The following KIAA0586 variants were observed in gnomAD, a reference collection of about 807,000 sequenced individuals.
KIAA0586 encodes protein TALPID3.
Under a neutral mutation model 169.8 loss-of-function variants are expected in KIAA0586, and 144 were observed. The observed-to-expected ratio is 0.85, with a 90% CI of 0.74 to 0.97. The LOEUF (loss-of-function observed/expected upper bound fraction) is 0.97. Among genes scored for constraint, KIAA0586 ranks in the 50% least tolerant of loss-of-function variants. KIAA0586 has a pLI of 0.00. For synonymous variants in KIAA0586, 625 were observed against 612.4 expected (o/e 1.02, Z -0.30); for missense variants, 1,854 against 1,823.0 (o/e 1.02, Z -0.31).
chr14:58,427,513 T>G, upstream of KIAA0586: 2 of 1,401,424 alleles, frequency 1.4e-6, no homozygotes, highest in Non-Finnish European at 1.9e-6. Flanking sequence ...AGCGGTCTTG[T>G]GCGGCAATGT....
At chr14:58,536,181 TG>T (rs2046278267) in intron 29 of KIAA0586, among the ~76,000 whole-genome samples, 2 of 152,144 alleles carry the variant, frequency 1.3e-5, no homozygotes, top group South Asian at 4.1e-4. Context: ...ATGGATATAT[TG>T]GTTTATTGCA....
intron 29 of KIAA0586, among the ~76,000 whole-genome samples, chr14:58,515,399 A>G (rs555138396): frequency 6.6e-6 from 1 of 152,294 alleles, no homozygotes; most frequent in South Asian, 2.1e-4. Context: ...TTTTATACTC[A>G]TATAGCTGTG....
intron 19 of KIAA0586, among the ~76,000 whole-genome samples, chr14:58,475,471 C>G (rs556258916): frequency 6.8e-6 from 1 of 146,340 alleles, no homozygotes; most frequent in South Asian, 2.4e-4. Flanking sequence ...GACTGCTATA[C>G]TAGGCCATAT....
Position 58,550,985 on chromosome 14 carries a change from T to TC in KIAA0586, c.*3054dup, listed in dbSNP as rs1467712219. On this transcript the variant is annotated 3_prime_UTR_variant, in exon 31 of 31. Coordinates refer to ENST00000652326, the MANE Select transcript of KIAA0586 (RefSeq NM_001329943.3). ...AGGCAGATCACCCAAGGTTAGGAGT[T>TC]CAAGACCAGTCTGGCCAACATGGTG... is the stretch of plus-strand genomic sequence containing the variant. 1.3e-5 allele frequency: 2 copies of TC among 152,012 alleles called. No individual in the cohort carries two copies. The highest frequency in any genetic ancestry group is 4.8e-5 in the African/African-American group (2 of 41,328). 9.4% of individuals were successfully genotyped at this position (152,012 alleles called of 1,614,324 possible).
rs1164708257 is a variant in KIAA0586, at chr14:58,488,686, CA to C, written c.3594del (p.Glu1199SerfsTer32). 6.2e-7 allele frequency: 1 copy of C among 1,613,898 alleles called. No homozygotes were observed. Among genetic ancestry groups the C allele is most frequent in the Admixed American group, 1.7e-5 (1 of 60,008 alleles). ...SMDFPAQPPP[P>X]EPVPFMPFPA... ...GATTTCCCTGCTCAGCCTCCACCTCCAGAGCCAGTTCCCTTTATGCCATTTC... is the reference window on the plus strand; with the variant it reads ...GATTTCCCTGCTCAGCCTCCACCTCCGAGCCAGTTCCCTTTATGCCATTTC... On this transcript the variant is annotated frameshift_variant, in exon 24 of 31. Coordinates refer to ENST00000652326, the MANE Select transcript of KIAA0586 (RefSeq NM_001329943.3). LOFTEE classifies it high-confidence loss of function.
At chr14:58,451,268 C>T (rs1164993349) in intron 8 of KIAA0586, among the ~76,000 whole-genome samples, 2 of 152,146 alleles carry the variant, frequency 1.3e-5, no homozygotes, top group African/African-American at 2.4e-5. Flanking sequence ...CTCTGTCACC[C>T]AGACTGGAGT....
chr14:58,458,482 A>G lies in KIAA0586; in HGVS notation c.1593A>G (p.Ser531=), dbSNP rs2040053685. The G allele has an allele frequency of 6.5e-7, 1 of 1,530,490 alleles. No individual in the cohort carries two copies. The highest frequency in any genetic ancestry group is 8.9e-7 in the Non-Finnish European group (1 of 1,128,676). The allele number at this position is 1,530,490 out of a possible 1,614,324, so 94.8% of individuals were successfully genotyped here. Residue 531 remains serine (S), a synonymous_variant, in exon 12 of 31, where the codon TCA becomes TCG. Coordinates refer to ENST00000652326, the MANE Select transcript of KIAA0586 (RefSeq NM_001329943.3). ...INALSTNREM[S]EKIRIRKTVD... ...TTTTTCTCTTTTATAGAGAGATGTC[A>G]GAGAAAATTAGGATCAGAAAGACAG... is the stretch of plus-strand genomic sequence containing the variant.
intron 21 of KIAA0586, among the ~76,000 whole-genome samples, chr14:58,484,093 C>G (rs2042211725): frequency 6.6e-6 from 1 of 152,008 alleles, no homozygotes; most frequent in African/African-American, 2.4e-5. Flanking sequence ...TGTGGGAAAA[C>G]CAGTGTAAAG....
Position 58,540,123 on chromosome 14 carries a change from A to G in KIAA0586, c.4482A>G (p.Thr1494=), listed in dbSNP as rs2046549339. The G allele has an allele frequency of 6.4e-7, 1 of 1,551,238 alleles. No homozygotes were observed. Among genetic ancestry groups the G allele is most frequent in the South Asian group, 1.2e-5 (1 of 84,122 alleles). The stretch of plus-strand genomic sequence containing the variant: ...AAATTGAGCTTAATCCGTACCTCAC[A>G]TGTGTATTTTCAGGTAAGATTTTTA... ...RTQIELNPYL[T]CVFSGGKAVP... Residue 1494 remains threonine (T), a synonymous_variant, in exon 30 of 31, where the codon ACA becomes ACG. Transcript: ENST00000652326.
At chr14:58,438,346 A>C (rs2038012549) in intron 4 of KIAA0586, among the ~76,000 whole-genome samples, 1 of 152,208 alleles carries the variant, frequency 6.6e-6, no homozygotes, top group African/African-American at 2.4e-5. Flanking sequence ...TATTGGGCAA[A>C]GGTAAGTCAC....
chr14:58,481,697 A>G (rs2042037062), intron 20 of KIAA0586, among the ~76,000 whole-genome samples: 1 of 152,102 alleles, frequency 6.6e-6, no homozygotes, highest in African/African-American at 2.4e-5. Flanking sequence ...TTGTTATGTA[A>G]GTTGTCCTCT....
In KIAA0586 at chr14:58,487,955, G is replaced by A. The variant is rs2141193523; in HGVS notation, c.3373G>A (p.Ala1125Thr). 8.1e-6 allele frequency: 13 copies of A among 1,613,640 alleles called. No individual in the cohort carries two copies. The highest frequency in any genetic ancestry group is 1.1e-5 in the Non-Finnish European group (13 of 1,179,798). ...TVTPTTTPPP[A>T]AAVFTPTLSD... The stretch of plus-strand genomic sequence containing the variant: ...TACCCCTACTACTACACCTCCTCCA[G>A]CGGCGGCAGTTTTTACCCCAACTTT... Residue 1125 changes from alanine (A) to threonine (T), a missense_variant, in exon 23 of 31, where the codon GCG becomes ACG. Transcript: ENST00000652326.
chr14:58,512,623 A>T lies in KIAA0586; in HGVS notation c.4425A>T (p.Gln1475His). The change falls in exon 29 of 31, where the codon CAA becomes CAT. Residue 1475 changes from glutamine to histidine, a missense_variant. By Grantham distance (24) the Gln-to-His change is conservative (BLOSUM62 0). Coordinates refer to ENST00000652326, the MANE Select transcript of KIAA0586 (RefSeq NM_001329943.3). ...AATCTGATATTGCACCTTCACAGCA[A>T]CAAGGTAAGACTTGTTTTTATGTAA... The part of the protein sequence containing the change: ...RNKSDIAPSQ[Q>H]QVSPGDMDRT... The T allele has an allele frequency of 6.9e-7, 1 of 1,444,518 alleles. No individual in the cohort carries two copies. Among genetic ancestry groups the T allele is most frequent in the Non-Finnish European group, 9.3e-7 (1 of 1,075,752 alleles). 89.5% of individuals were successfully genotyped at this position (1,444,518 alleles called of 1,614,324 possible). A position where few individuals can be genotyped will look rare whatever the true frequency, so the allele number is the denominator to read the frequency against.
chr14:58,439,674 A>G (rs2038135464), intron 4 of KIAA0586: 1 of 166,434 alleles, frequency 6.0e-6, no homozygotes, highest in African/African-American at 2.4e-5. Context: ...TTATGATTCA[A>G]TTGGGTATGA....
At chr14:58,507,231 T>TATGTATGATTTATATATAAATC (rs557242244) in intron 27 of KIAA0586, among the ~76,000 whole-genome samples, 31 of 90,528 alleles carry the variant, frequency 3.4e-4, no homozygotes, top group African/African-American at 1.2e-3. Context: ...AAATCATCTA[T>TATGTATGATTTATATATAAATC]ATGTATGATT....
intron 26 of KIAA0586, among the ~76,000 whole-genome samples, chr14:58,493,381 G>A (rs1035795492): frequency 1.3e-5 from 2 of 152,118 alleles, no homozygotes; most frequent in Non-Finnish European, 2.9e-5. Context: ...GGTGCTTAAG[G>A]AAATTCCAGG....
chr14:58,489,594 T>A (rs527427948), intron 24 of KIAA0586, among the ~76,000 whole-genome samples: 1 of 152,230 alleles, frequency 6.6e-6, no homozygotes, highest in East Asian at 1.9e-4. Flanking sequence ...TTTTTCTTAT[T>A]TTTCTTTTCT....
chr14:58,494,539 A>G (rs954255618), intron 26 of KIAA0586, among the ~76,000 whole-genome samples: 1 of 151,946 alleles, frequency 6.6e-6, no homozygotes, highest in Non-Finnish European at 1.5e-5. Context: ...GGATAAAACC[A>G]TGGTCTGTTT....
intron 21 of KIAA0586, among the ~76,000 whole-genome samples, chr14:58,486,328 C>G (rs2042436921): frequency 6.6e-6 from 1 of 151,886 alleles, no homozygotes; most frequent in Non-Finnish European, 1.5e-5. Flanking sequence ...TTATGTGTAC[C>G]ACATTTTCTT....
Sources: gnomAD v4.1 joint callset for allele counts (sites outside exome capture counted in the v4.1 genomes callset) on GRCh38, gnomAD v4.1.1 for gene constraint, MANE v1.5 for transcripts, NCBI Gene and HGNC (gene_info 2026-07-23, HGNC 2026-07-21) for gene names.